Variants in SLC4A4 observed in about 807,000 individuals in gnomAD.
SLC4A4 encodes electrogenic sodium bicarbonate cotransporter 1.
In SLC4A4, 27 loss-of-function variants were observed where a neutral mutation model predicts 111.5. That is an observed-to-expected ratio of 0.24 (90% CI 0.18 to 0.33). SLC4A4 has a LOEUF of 0.33. Ranked by LOEUF, SLC4A4 falls within the 10% of genes least tolerant of loss-of-function variation. SLC4A4 has a pLI of 1.00. For synonymous variants in SLC4A4, 443 were observed against 463.4 expected (o/e 0.96, Z 0.57); for missense variants, 909 against 1,315.5 (o/e 0.69, Z 4.78).
chr4:71,466,315 C>A (rs1338508810), intron 12 of SLC4A4, 129 bp from the exon 13 acceptor site: 4 of 1,023,952 alleles, frequency 3.9e-6, no homozygotes, highest in East Asian at 2.4e-5. Flanking sequence ...AGACTTTGTT[C>A]TTCATTCTTG....
intron 2 of SLC4A4, among the ~76,000 whole-genome samples, chr4:71,148,494 C>T (rs72860030): frequency 0.015 from 2,276 of 152,186 alleles, 66 homozygotes; most frequent in African/African-American, 0.052. Flanking sequence ...TTTTGTCACC[C>T]GGGTATTAAG....
chr4:71,293,547 C>A (rs967313697), intron 3 of SLC4A4, among the ~76,000 whole-genome samples: 2 of 144,086 alleles, frequency 1.4e-5, no homozygotes, highest in Non-Finnish European at 3.0e-5. Context: ...TGGGCGACTC[C>A]GTCTAAAAAA....
chr4:71,074,570 T>G (rs1189882750), intron 1 of SLC4A4, among the ~76,000 whole-genome samples: 6 of 141,982 alleles, frequency 4.2e-5, no homozygotes, highest in Non-Finnish European at 7.5e-5. Flanking sequence ...GCCATGATTA[T>G]TAAGAAAAAG....
At chr4:71,296,504 T>G (rs1046966878) in intron 3 of SLC4A4, among the ~76,000 whole-genome samples, 21 of 152,198 alleles carry the variant, frequency 1.4e-4, no homozygotes, top group Admixed American at 7.9e-4. Context: ...CTGAAGTTTA[T>G]TTTTATTCAG....
chr4:71,249,915 A>G (rs1313525593), intron 2 of SLC4A4, among the ~76,000 whole-genome samples: 2 of 152,106 alleles, frequency 1.3e-5, no homozygotes, highest in East Asian at 3.9e-4. Context: ...TATATTATTA[A>G]AGTGTTTAGG....
intron 2 of SLC4A4, among the ~76,000 whole-genome samples, chr4:71,140,078 A>C (rs772483525): frequency 6.6e-6 from 1 of 152,062 alleles, no homozygotes; most frequent in Non-Finnish European, 1.5e-5. Flanking sequence ...TAGTGAAGCT[A>C]TTTTTAAATG....
chr4:71,564,369 A>G (rs925902347), intron 24 of SLC4A4, among the ~76,000 whole-genome samples: 1 of 151,860 alleles, frequency 6.6e-6, no homozygotes, highest in Non-Finnish European at 1.5e-5. Flanking sequence ...TAAATTAGCA[A>G]TCATGAAGTA....
intron 12 of SLC4A4, among the ~76,000 whole-genome samples, chr4:71,455,679 CTT>C (rs1216977569): frequency 5.3e-5 from 8 of 152,090 alleles, no homozygotes; most frequent in Non-Finnish European, 1.0e-4. Flanking sequence ...AATTTTTAAA[CTT>C]TTTTTGATGG....
intron 2 of SLC4A4, among the ~76,000 whole-genome samples, chr4:71,093,623 A>G (rs2363445): frequency 0.67 from 102,060 of 152,060 alleles, 34,544 homozygotes; most frequent in East Asian, 0.79. Flanking sequence ...AAACTCCCAG[A>G]GTTCTTCTTG....
At chr4:71,558,290 G>A (rs562939127) in intron 22 of SLC4A4, among the ~76,000 whole-genome samples, 6 of 152,096 alleles carry the variant, frequency 3.9e-5, no homozygotes, top group Admixed American at 2.0e-4. Context: ...AAGTAAGAGT[G>A]TAGGACATTT....
chr4:71,548,381 G>A (rs1407810109), intron 20 of SLC4A4, among the ~76,000 whole-genome samples: 3 of 151,820 alleles, frequency 2.0e-5, no homozygotes, highest in Admixed American at 6.6e-5. Flanking sequence ...TTGGATATCT[G>A]CCTAGATAGA....
intron 3 of SLC4A4, among the ~76,000 whole-genome samples, chr4:71,336,958 A>G (rs1251491177): frequency 2.0e-5 from 3 of 152,070 alleles, no homozygotes; most frequent in Non-Finnish European, 4.4e-5. Flanking sequence ...TCTGTCTTTG[A>G]TTATCCATGT....
intron 15 of SLC4A4, among the ~76,000 whole-genome samples, chr4:71,491,386 G>A (rs72853269): frequency 0.14 from 21,622 of 151,860 alleles, 1,991 homozygotes; most frequent in African/African-American, 0.26. Context: ...TCATTGTAAC[G>A]TTGATGAAAA....
intron 24 of SLC4A4, among the ~76,000 whole-genome samples, chr4:71,564,231 C>G (rs1458470839): frequency 5.4e-5 from 4 of 74,176 alleles, no homozygotes; most frequent in Non-Finnish European, 1.1e-4. Context: ...ACATCACTGT[C>G]ACTGTTTGTC....
At chr4:71,195,629 G>A (rs535111033) in intron 1 of SLC4A4, among the ~76,000 whole-genome samples, 1 of 152,332 alleles carries the variant, frequency 6.6e-6, no homozygotes, top group African/African-American at 2.4e-5. Context: ...CCTTTGAGAA[G>A]TTAAACTGGC....
chr4:71,345,044 C>T lies in SLC4A4; in HGVS notation c.390-4868C>T, dbSNP rs187987939. Among the ~76,000 whole-genome samples, 61 of 152,266 alleles carry T rather than the reference C, an allele frequency of 4.0e-4. 1 individual carries two copies. Among genetic ancestry groups the T allele is most frequent in the Middle Eastern group, 3.4e-3 (1 of 294 alleles). On this transcript the variant is annotated intron_variant, in intron 4 of 25. Transcript: ENST00000264485. The stretch of plus-strand genomic sequence containing the variant: ...CTCAACTCTATCACCATCCCTTTTA[C>T]GTCCTTTACCTGTTCTTCCCTTTCC...
intron 1 of SLC4A4, among the ~76,000 whole-genome samples, chr4:71,086,387 A>G (rs1348385009): frequency 6.6e-6 from 1 of 151,804 alleles, no homozygotes; most frequent in African/African-American, 2.4e-5. Flanking sequence ...CTAATTGAAT[A>G]CCCTTTATTT....
chr4:71,256,128 T>A (rs1389879121), intron 3 of SLC4A4, among the ~76,000 whole-genome samples: 2 of 152,182 alleles, frequency 1.3e-5, no homozygotes, highest in African/African-American at 4.8e-5. Context: ...GAACTGAGAA[T>A]GAATATGTGC....
intron 7 of SLC4A4, among the ~76,000 whole-genome samples, chr4:71,438,200 A>T (rs1176759621): frequency 6.6e-6 from 1 of 152,214 alleles, no homozygotes; most frequent in African/African-American, 2.4e-5. Flanking sequence ...TTTGCCTTTC[A>T]AAGTGCCATA....
Sources: allele counts gnomAD v4.1 joint callset (sites outside exome capture counted in the v4.1 genomes callset), GRCh38; gene constraint gnomAD v4.1.1; transcripts MANE v1.5; gene names NCBI Gene and HGNC (gene_info 2026-07-23, HGNC 2026-07-21).